Variants in IFT81 observed in about 807,000 individuals in gnomAD.
The protein encoded by IFT81 is intraflagellar transport protein 81 homolog.
A neutral mutation model predicts 102.6 loss-of-function variants in IFT81; 72 were observed. The observed-to-expected ratio is 0.70, with a 90% CI of 0.58 to 0.85. The LOEUF is 0.85. Among genes scored for constraint, IFT81 ranks in the 40% least tolerant of loss-of-function variants. IFT81 has a pLI of 0.00. For synonymous variants in IFT81, 237 were observed against 242.7 expected, an observed-to-expected ratio of 0.98 and a Z score of 0.22; for missense variants, 723 against 787.3, an observed-to-expected ratio of 0.92 and a Z score of 0.98.
intron 10 of IFT81, among the ~76,000 whole-genome samples, chr12:110,152,569 GT>G (rs923697037): frequency 7.3e-5 from 11 of 151,200 alleles, no homozygotes; most frequent in African/African-American, 2.4e-4. Flanking sequence ...GGGTTGTTTG[GT>G]TTTTTGTTGT....
chr12:110,180,638 T>C, intron 12 of IFT81, 67 bp downstream of exon 12: 2 of 1,139,614 alleles, frequency 1.8e-6, no homozygotes, highest in African/African-American at 1.5e-5. Context: ...TACAGCTTTA[T>C]ACTGAAGTCA....
At chr12:110,194,271 A>T (rs1897914051) in intron 14 of IFT81, among the ~76,000 whole-genome samples, 2 of 152,178 alleles carry the variant, frequency 1.3e-5, no homozygotes, top group Admixed American at 6.5e-5. Flanking sequence ...AAGATGTCTA[A>T]CTTATATTTA....
chr12:110,194,057 G>A (rs1897903413), intron 14 of IFT81, among the ~76,000 whole-genome samples: 1 of 152,042 alleles, frequency 6.6e-6, no homozygotes, highest in African/African-American at 2.4e-5. Context: ...GGGAGGAGGG[G>A]CCTCACACTT....
chr12:110,179,735 T>TCG (rs2137511769), intron 11 of IFT81, among the ~76,000 whole-genome samples: 1 of 25,602 alleles, frequency 3.9e-5, no homozygotes, highest in Admixed American at 4.2e-4. Context: ...TATATATATA[T>TCG]ATATATATAT....
Position 110,132,459 on chromosome 12 carries a change from C to CA in IFT81, c.430-72dup, listed in dbSNP as rs397964365. 0.13 allele frequency: 47,749 copies of CA among 359,188 alleles called. 523 individuals carry two copies. The highest frequency in any genetic ancestry group is 0.16 in the African/African-American group (3,902 of 24,956). The allele number at this position is 359,188 out of a possible 1,614,324, so 22.3% of individuals were successfully genotyped here. On this transcript the variant is annotated intron_variant, in intron 4 of 18. Transcript: ENST00000242591. ...TGGGCGACAGAGCAAGAGTCTGTCT[C>CA]AAAAAAAAAAAAAAAAGAAAGAAAG...
At chr12:110,154,191 G>T (rs1473565909) in intron 10 of IFT81, among the ~76,000 whole-genome samples, 1 of 150,736 alleles carries the variant, frequency 6.6e-6, no homozygotes, top group Non-Finnish European at 1.5e-5. Flanking sequence ...CACCATCTTG[G>T]CCAGTCTGGT....
intron 18 of IFT81, among the ~76,000 whole-genome samples, chr12:110,209,622 AGC>A (rs1869142706): frequency 6.6e-6 from 1 of 152,012 alleles, no homozygotes; most frequent in Admixed American, 6.6e-5. Flanking sequence ...TACAAAAATT[AGC>A]CAGGCGTGGT....
intron 17 of IFT81, among the ~76,000 whole-genome samples, chr12:110,207,927 T>C (rs1166760012): frequency 6.6e-6 from 1 of 152,210 alleles, no homozygotes; most frequent in Non-Finnish European, 1.5e-5. Context: ...AATGTTATTA[T>C]GTTTTTAATT....
At chr12:110,131,238 G>A (rs751740270) in intron 4 of IFT81, among the ~76,000 whole-genome samples, 34 of 151,712 alleles carry the variant, frequency 2.2e-4, no homozygotes, top group Non-Finnish European at 4.3e-4. Context: ...AGCTGTGATC[G>A]CACCACTGCA....
At chr12:110,210,831 C>G (rs753808443) in intron 18 of IFT81, among the ~76,000 whole-genome samples, 2 of 151,566 alleles carry the variant, frequency 1.3e-5, no homozygotes, top group Non-Finnish European at 2.9e-5. Flanking sequence ...TGTTAACATC[C>G]GATACCTAGT....
chr12:110,143,631 C>T, intron 9 of IFT81, 86 bp downstream of exon 9: 1 of 1,034,134 alleles, frequency 9.7e-7, no homozygotes. Context: ...CTGTAGTATC[C>T]CACTATTGAC....
At chr12:110,172,850 C>T (rs1478682241) in intron 11 of IFT81, among the ~76,000 whole-genome samples, 2 of 151,648 alleles carry the variant, frequency 1.3e-5, no homozygotes, top group African/African-American at 2.4e-5. Context: ...GGCCGCCCAT[C>T]GTCTGGGATG....
intron 11 of IFT81, 91 bp from the exon 12 acceptor site, chr12:110,180,331 A>C (rs1367383270): frequency 3.0e-6 from 2 of 663,472 alleles, no homozygotes; most frequent in African/African-American, 3.7e-5. Flanking sequence ...GTAGAGAAGA[A>C]AAAATGTGAA....
intron 11 of IFT81, 103 bp downstream of exon 11, chr12:110,163,168 A>T: frequency 1.2e-6 from 1 of 807,664 alleles, no homozygotes; most frequent in Non-Finnish European, 1.9e-6. Context: ...TTGGGACGTT[A>T]ATCTTATTTT....
In IFT81 at chr12:110,157,205, C is replaced by T. The variant is rs1039371476; in HGVS notation, c.1042-5714C>T. On this transcript the variant is annotated intron_variant, in intron 10 of 18. Transcript: ENST00000242591. ...TCTACCAAAAAATACAAAAATTAGC[C>T]GGGGGTGGTGGCGTGTGCCTGTAGT... Among the ~76,000 whole-genome samples, 11 of 151,786 alleles carry T rather than the reference C, an allele frequency of 7.2e-5. No homozygotes were observed. In the East Asian group the frequency reaches 7.7e-4, roughly 11 times the overall value.
chr12:110,143,625 A>G lies in IFT81; in HGVS notation c.945+80A>G, dbSNP rs977993844. 54 of 1,132,362 alleles carry G rather than the reference A, an allele frequency of 4.8e-5. No homozygotes were observed. In the African/African-American group the frequency reaches 8.0e-4, roughly 17 times the overall value. 70.1% of individuals were successfully genotyped at this position (1,132,362 alleles called of 1,614,324 possible). ...TAAAATTATGTGAACTGCTTTCTGT[A>G]GTATCCCACTATTGACTCTTAAATT... On this transcript the variant is annotated intron_variant, in intron 9 of 18. Coordinates refer to ENST00000242591, the MANE Select transcript of IFT81 (RefSeq NM_014055.4).
chr12:110,158,056 GTTTTTATTTTTA>G (rs994181812), intron 10 of IFT81, among the ~76,000 whole-genome samples: 3 of 151,782 alleles, frequency 2.0e-5, no homozygotes, highest in African/African-American at 4.8e-5. Flanking sequence ...TTATTCTTTT[GTTTTTATTTTTA>G]TTTTTATTTT....
chr12:110,204,330 C>G (rs1898455356), intron 15 of IFT81: 2 of 167,312 alleles, frequency 1.2e-5, no homozygotes, highest in Non-Finnish European at 2.6e-5. Flanking sequence ...ACAGTAAACT[C>G]TTACCTATTC....
chr12:110,167,891 A>G, intron 11 of IFT81: 2 of 245,366 alleles, frequency 8.2e-6, no homozygotes, highest in South Asian at 8.0e-5. Flanking sequence ...TCACTCTGTC[A>G]CCCAGGCTGG....
Sources: allele counts gnomAD v4.1 joint callset (sites outside exome capture counted in the v4.1 genomes callset), GRCh38; gene constraint gnomAD v4.1.1; transcripts MANE v1.5; gene names NCBI Gene and HGNC (gene_info 2026-07-23, HGNC 2026-07-21).